The following PARD3 variants were observed in gnomAD, a reference collection of about 807,000 sequenced individuals.
The protein encoded by PARD3 is partitioning defective 3 homolog.
PARD3 carries 75 observed loss-of-function variants against 155.4 expected under a neutral mutation model. That is an observed-to-expected ratio of 0.48 (90% confidence interval 0.40 to 0.58). The LOEUF is 0.58. PARD3 is among the 20% of genes least tolerant of loss of function. The probability of loss-of-function intolerance (pLI) is 0.00; values close to 1 mark genes in which losing one functional copy is unlikely to be tolerated. For missense variants in PARD3, 1,642 were observed against 1,721.7 expected (o/e 0.95, Z 0.82); for synonymous variants, 576 against 610.5 (o/e 0.94, Z 0.83).
intron 5 of PARD3, among the ~76,000 whole-genome samples, chr10:34,443,039 T>C (rs1184834362): frequency 6.6e-6 from 1 of 152,020 alleles, no homozygotes; most frequent in Admixed American, 6.6e-5. Context: ...TTTTCTTCTA[T>C]GTAGGCAGAT....
At chr10:34,548,623 A>T (rs778009157) in intron 2 of PARD3, among the ~76,000 whole-genome samples, 12 of 152,244 alleles carry the variant, frequency 7.9e-5, no homozygotes, top group Non-Finnish European at 1.5e-4. Flanking sequence ...CACCCTAAAC[A>T]CAGCAGTCAC....
chr10:34,352,101 TA>T lies in PARD3; in HGVS notation c.2068-3987del, dbSNP rs1301537409. 2.0e-5 allele frequency among the ~76,000 whole-genome samples: 3 copies of T among 152,206 alleles called. No homozygotes were observed. The South Asian group carries it at 6.2e-4, about 31-fold the overall frequency. ...ACTGGCACTAAGAAAAAGCTTTACA[TA>T]AAATCACTTCTAACATGGATATAAT... On this transcript the variant is annotated intron_variant, in intron 14 of 24. Coordinates refer to ENST00000374788, the MANE Select transcript of PARD3 (RefSeq NM_001184785.2).
intron 23 of PARD3, among the ~76,000 whole-genome samples, chr10:34,122,221 G>A (rs145907451): frequency 1.3e-4 from 20 of 152,278 alleles, no homozygotes; most frequent in South Asian, 6.2e-4. Context: ...TTTTAAGCTC[G>A]TGCTGTTCTG....
intron 7 of PARD3, among the ~76,000 whole-genome samples, chr10:34,395,896 T>C (rs1843294546): frequency 6.6e-6 from 1 of 151,924 alleles, no homozygotes; most frequent in Non-Finnish European, 1.5e-5. Context: ...GAAGATAATA[T>C]TGTCTCTCTA....
chr10:34,145,932 T>C (rs1948484538), intron 22 of PARD3, among the ~76,000 whole-genome samples: 1 of 152,134 alleles, frequency 6.6e-6, no homozygotes, highest in African/African-American at 2.4e-5. Context: ...AGAGTGTCAC[T>C]TTTTTGGTTG....
intron 3 of PARD3, among the ~76,000 whole-genome samples, chr10:34,478,455 T>A (rs1254393833): frequency 6.6e-6 from 1 of 152,226 alleles, no homozygotes; most frequent in Admixed American, 6.5e-5. Flanking sequence ...AAGTTTAAGA[T>A]ACATTTCTGT....
intron 22 of PARD3, among the ~76,000 whole-genome samples, chr10:34,195,792 AG>A (rs1449314710): frequency 6.6e-6 from 1 of 152,232 alleles, no homozygotes. Flanking sequence ...CAAATAGCAC[AG>A]GACAGAGTGT....
intron 2 of PARD3, among the ~76,000 whole-genome samples, chr10:34,538,073 C>T (rs2083339754): frequency 6.6e-6 from 1 of 152,174 alleles, no homozygotes; most frequent in South Asian, 2.1e-4. Context: ...GAATATTGCA[C>T]AAGACTGTGA....
chr10:34,226,077 C>T (rs1276925067), intron 22 of PARD3, among the ~76,000 whole-genome samples: 1 of 151,972 alleles, frequency 6.6e-6, no homozygotes, highest in Non-Finnish European at 1.5e-5. Context: ...AAATGACTTA[C>T]AATTCAGTAA....
At chr10:34,320,028 C>T (rs1383075158) in intron 19 of PARD3, among the ~76,000 whole-genome samples, 4 of 152,180 alleles carry the variant, frequency 2.6e-5, no homozygotes, top group Non-Finnish European at 4.4e-5. Flanking sequence ...TATTGCACTT[C>T]TCATATGATA....
intron 23 of PARD3, among the ~76,000 whole-genome samples, chr10:34,123,923 T>C (rs923281448): frequency 1.3e-5 from 2 of 152,212 alleles, no homozygotes; most frequent in African/African-American, 2.4e-5. Flanking sequence ...CTGTAAGACT[T>C]TGACAGCTTA....
chr10:34,647,677 A>G (rs76867265), intron 2 of PARD3, among the ~76,000 whole-genome samples: 2,706 of 152,292 alleles, frequency 0.018, 80 homozygotes, highest in African/African-American at 0.062. Flanking sequence ...ATCATAACTT[A>G]AATTGCACTT....
intron 2 of PARD3, among the ~76,000 whole-genome samples, chr10:34,606,837 C>T (rs1004591528): frequency 6.6e-6 from 1 of 151,446 alleles, no homozygotes; most frequent in Non-Finnish European, 1.5e-5. Flanking sequence ...CATGGTGGTG[C>T]ACGCCTGTAG....
At chr10:34,144,805 C>T (rs919362401) in intron 22 of PARD3, among the ~76,000 whole-genome samples, 14 of 151,922 alleles carry the variant, frequency 9.2e-5, no homozygotes, top group African/African-American at 2.9e-4. Context: ...TTCAGATTTC[C>T]AGGAGAACAA....
At chr10:34,755,219 T>C (rs1301015073) in intron 1 of PARD3, among the ~76,000 whole-genome samples, 1 of 149,180 alleles carries the variant, frequency 6.7e-6, no homozygotes, top group Non-Finnish European at 1.5e-5. Context: ...CTGGCCAACA[T>C]GGTGAAACCC....
chr10:34,803,015 C>A (rs1337129645), intron 1 of PARD3, among the ~76,000 whole-genome samples: 4 of 143,000 alleles, frequency 2.8e-5, no homozygotes, highest in Non-Finnish European at 4.5e-5. Context: ...CACTTGAGGT[C>A]AGGAATTCAA....
chr10:34,333,592 T>C (rs950560847), intron 18 of PARD3, among the ~76,000 whole-genome samples: 1 of 152,054 alleles, frequency 6.6e-6, no homozygotes, highest in African/African-American at 2.4e-5. Flanking sequence ...TAAAAAATTA[T>C]ACAAAATGTC....
intron 1 of PARD3, among the ~76,000 whole-genome samples, chr10:34,786,359 T>C (rs371022886): frequency 1.3e-5 from 2 of 152,256 alleles, no homozygotes; most frequent in African/African-American, 4.8e-5. Context: ...CCATAACTAT[T>C]GACTAAAAGT....
At chr10:34,219,437 C>T (rs1952168954) in intron 22 of PARD3, among the ~76,000 whole-genome samples, 2 of 152,194 alleles carry the variant, frequency 1.3e-5, no homozygotes, top group Admixed American at 6.5e-5. Context: ...AGCTCTTCCA[C>T]TTTAGCGGGG....
Sources: gnomAD v4.1 joint callset for allele counts (sites outside exome capture counted in the v4.1 genomes callset) on GRCh38, gnomAD v4.1.1 for gene constraint, MANE v1.5 for transcripts, NCBI Gene and HGNC (gene_info 2026-07-23, HGNC 2026-07-21) for gene names.